The following CDH9 variants were observed in gnomAD, a reference collection of about 807,000 sequenced individuals.
The protein encoded by CDH9 is cadherin 9.
CDH9 carries 28 observed loss-of-function variants against 70.9 expected under a neutral mutation model. That is an observed-to-expected ratio of 0.40 (90% CI 0.29 to 0.54). CDH9 has a LOEUF of 0.54. CDH9 is among the 20% of genes least tolerant of loss of function. The pLI is 0.59. For synonymous variants in CDH9, 409 were observed against 343.1 expected (o/e 1.19, Z -2.12); for missense variants, 874 against 984.4 (o/e 0.89, Z 1.50).
chr5:26,936,539 T>G (rs531585930), intron 2 of CDH9, among the ~76,000 whole-genome samples: 1 of 152,156 alleles, frequency 6.6e-6, no homozygotes, highest in Non-Finnish European at 1.5e-5. Flanking sequence ...AAAGCAAAGG[T>G]AACTACATAT....
chr5:27,013,725 T>G (rs1743000756), intron 1 of CDH9, among the ~76,000 whole-genome samples: 1 of 151,986 alleles, frequency 6.6e-6, no homozygotes, highest in Non-Finnish European at 1.5e-5. Flanking sequence ...TACATTTGTT[T>G]TAAGCTCACT....
chr5:27,013,677 C>T lies in CDH9; in HGVS notation c.-50+24786G>A, dbSNP rs564470091. 1.6e-3 allele frequency among the ~76,000 whole-genome samples: 240 copies of T among 152,026 alleles called. 4 individuals are homozygous for T. Among genetic ancestry groups the T allele is most frequent in the African/African-American group, 4.1e-3 (172 of 41,500 alleles). On this transcript the variant is annotated intron_variant, in intron 1 of 11. Transcript: ENST00000231021. ...CCACCTCTACAGCCCTACCAACCGA[C>T]CTGTGATGAATATATATTGCAAGAA...
chr5:26,905,509 GATT>G (rs932115322), intron 5 of CDH9, among the ~76,000 whole-genome samples: 3 of 152,122 alleles, frequency 2.0e-5, no homozygotes, highest in Admixed American at 6.6e-5. Context: ...TTAGATAAGA[GATT>G]ATAAGTCTGC....
At chr5:26,997,795 G>T (rs556704209) in intron 1 of CDH9, among the ~76,000 whole-genome samples, 1 of 152,074 alleles carries the variant, frequency 6.6e-6, no homozygotes, top group East Asian at 1.9e-4. Flanking sequence ...TGCCTCCTGG[G>T]TTCAAGCGAT....
chr5:26,919,485 C>G (rs748073015), intron 2 of CDH9, among the ~76,000 whole-genome samples: 1 of 152,066 alleles, frequency 6.6e-6, no homozygotes, highest in Non-Finnish European at 1.5e-5. Flanking sequence ...CTTGAAGGGC[C>G]GTCTAGGCCA....
intron 3 of CDH9, 25 bp from the exon 4 acceptor site, chr5:26,906,863 C>T (rs758873138): frequency 1.9e-6 from 3 of 1,579,334 alleles, no homozygotes; most frequent in African/African-American, 2.7e-5. Flanking sequence ...CATCCCCAAA[C>T]AGAGACATTT....
At chr5:27,019,961 C>T (rs896440052) in intron 1 of CDH9, among the ~76,000 whole-genome samples, 17 of 151,872 alleles carry the variant, frequency 1.1e-4, no homozygotes, top group Admixed American at 9.2e-4. Flanking sequence ...AAATACATTA[C>T]AAGAAGTGTC....
At chr5:26,987,091 C>CTTTTTTTTTTTTTT (rs201154706) in intron 2 of CDH9, among the ~76,000 whole-genome samples, 1 of 108,284 alleles carries the variant, frequency 9.2e-6, no homozygotes, top group African/African-American at 3.4e-5. Context: ...CACTTGTATT[C>CTTTTTTTTTTTTTT]TTTTTTTTTT....
At chr5:26,921,227 T>C (rs1371758426) in intron 2 of CDH9, among the ~76,000 whole-genome samples, 1 of 151,836 alleles carries the variant, frequency 6.6e-6, no homozygotes, top group Non-Finnish European at 1.5e-5. Context: ...GGGAAGTACC[T>C]ATGCTGAAAG....
intron 1 of CDH9, among the ~76,000 whole-genome samples, chr5:27,022,834 C>T (rs1743161946): frequency 2.6e-5 from 4 of 152,088 alleles, no homozygotes; most frequent in African/African-American, 9.7e-5. Context: ...GTCACCAACA[C>T]AGAGGACTCC....
chr5:26,893,041 C>A (rs1396178454), intron 7 of CDH9, among the ~76,000 whole-genome samples: 1 of 152,136 alleles, frequency 6.6e-6, no homozygotes, highest in East Asian at 1.9e-4. Context: ...CCAGTATTGG[C>A]AATTTTTAAA....
rs556882654 is a variant in CDH9, at chr5:26,929,303, C to T, written c.229-13379G>A. On this transcript the variant is annotated intron_variant, in intron 2 of 11. Transcript: ENST00000231021. ...CCTACAATGACATATCATCTAATTC[C>T]AATTTAAATGGCTTTTATCCAAAAG... Among the ~76,000 whole-genome samples the T allele has an allele frequency of 1.9e-3, 292 of 152,012 alleles. 2 individuals are homozygous for T. The highest frequency in any genetic ancestry group is 6.6e-3 in the African/African-American group (274 of 41,482).
At chr5:26,963,006 C>T (rs1006859586) in intron 2 of CDH9, among the ~76,000 whole-genome samples, 5 of 152,048 alleles carry the variant, frequency 3.3e-5, no homozygotes, top group African/African-American at 9.7e-5. Context: ...ACACATTTAC[C>T]TTCACAGTGG....
chr5:27,014,959 A>G (rs557516484), intron 1 of CDH9, among the ~76,000 whole-genome samples: 8 of 151,926 alleles, frequency 5.3e-5, no homozygotes, highest in Non-Finnish European at 1.2e-4. Context: ...AGGATAAATA[A>G]CGGACCAAAA....
Position 26,915,577 on chromosome 5 carries a change from C to A in CDH9, c.523+53G>T, listed in dbSNP as rs1056524732. The A allele has an allele frequency of 1.1e-5, 11 of 1,024,156 alleles. No homozygotes were observed. The African/African-American group carries it at 1.6e-4, about 15-fold the overall frequency. 63.4% of individuals were successfully genotyped at this position (1,024,156 alleles called of 1,614,324 possible). On this transcript the variant is annotated intron_variant, in intron 3 of 11. Coordinates refer to ENST00000231021, the MANE Select transcript of CDH9 (RefSeq NM_016279.4). Reference sequence around the variant, plus strand: ...CATAACCACAAGTCAATAATAATTACCTGAGCAAACAAACAAATAAAAAGT... The same window carrying A: ...CATAACCACAAGTCAATAATAATTAACTGAGCAAACAAACAAATAAAAAGT...
chr5:27,030,470 C>A (rs1743293274), intron 1 of CDH9, among the ~76,000 whole-genome samples: 1 of 148,568 alleles, frequency 6.7e-6, no homozygotes, highest in African/African-American at 2.5e-5. Context: ...AATAATGAAC[C>A]AGGGAAAGCA....
At chr5:27,002,884 G>A (rs1015157801) in intron 1 of CDH9, among the ~76,000 whole-genome samples, 13 of 151,888 alleles carry the variant, frequency 8.6e-5, no homozygotes, top group South Asian at 4.2e-4. Context: ...AAACCTGCAC[G>A]TAGTGCACAT....
At chr5:26,920,309 A>AT (rs746198460) in intron 2 of CDH9, among the ~76,000 whole-genome samples, 79 of 151,234 alleles carry the variant, frequency 5.2e-4, no homozygotes, top group Non-Finnish European at 8.7e-4. Context: ...AGACTGAGGG[A>AT]TTTTTTCATG....
In CDH9 at chr5:26,880,971, A is replaced by T. The variant is rs545809480; in HGVS notation, c.*165T>A. 4 of 560,258 alleles carry T rather than the reference A, an allele frequency of 7.1e-6. No homozygotes were observed. The South Asian group carries it at 1.3e-4, about 18-fold the overall frequency. 34.7% of individuals were successfully genotyped at this position (560,258 alleles called of 1,614,324 possible). On this transcript the variant is annotated 3_prime_UTR_variant, in exon 12 of 12. Coordinates refer to ENST00000231021, the MANE Select transcript of CDH9 (RefSeq NM_016279.4). ...TTAAAAATCTGTATCATTCGTATTC[A>T]TTCACAAAGACTTACTGATTAAGCA...
Sources: gnomAD v4.1 joint callset for allele counts (sites outside exome capture counted in the v4.1 genomes callset) on GRCh38, gnomAD v4.1.1 for gene constraint, MANE v1.5 for transcripts, NCBI Gene and HGNC (gene_info 2026-07-23, HGNC 2026-07-21) for gene names.